Variants in ELAVL4 observed in about 807,000 individuals in gnomAD.
The protein encoded by ELAVL4 is ELAV-like protein 4.
A neutral mutation model predicts 35.6 loss-of-function variants in ELAVL4; 1 was observed. The observed-to-expected ratio is 0.03, with a 90% CI of 0.01 to 0.13. The LOEUF is 0.13. Among genes scored for constraint, ELAVL4 ranks in the 10% least tolerant of loss-of-function variants. The probability of loss-of-function intolerance (pLI) is 1.00; values close to 1 mark genes in which losing one functional copy is unlikely to be tolerated. For synonymous variants in ELAVL4, 156 were observed against 171.0 expected (o/e 0.91, Z 0.69); for missense variants, 267 against 464.9 (o/e 0.57, Z 3.91).
intron 1 of ELAVL4, among the ~76,000 whole-genome samples, chr1:50,090,151 G>A (rs536445869): frequency 6.6e-6 from 1 of 152,248 alleles, no homozygotes; most frequent in East Asian, 1.9e-4. Flanking sequence ...CTCAGGCAGA[G>A]GTTATGTATG....
chr1:50,103,946 C>T (rs1666120345), upstream of ELAVL4: 1 of 1,613,896 alleles, frequency 6.2e-7, no homozygotes, highest in East Asian at 2.2e-5. Context: ...CACGTGAATG[C>T]TCTGGAACTG....
At chr1:50,053,867 C>T (rs1486621433) in intron 1 of ELAVL4, among the ~76,000 whole-genome samples, 2 of 152,220 alleles carry the variant, frequency 1.3e-5, no homozygotes, top group East Asian at 3.9e-4. Flanking sequence ...ATAAGGATTC[C>T]AGTGGAGGAT....
intron 4 of ELAVL4, 31 bp from the exon 5 acceptor site, chr1:50,195,530 C>T (rs772366718): frequency 1.2e-6 from 2 of 1,610,504 alleles, no homozygotes; most frequent in Non-Finnish European, 1.7e-6. Flanking sequence ...GGTGTGTTCA[C>T]TCTTTACAAA....
At position 50,195,727 on chromosome 1, in the gene ELAVL4, C is replaced by A; in HGVS notation, c.675C>A (p.Leu225=). The A allele has an allele frequency of 6.2e-7, 1 of 1,614,170 alleles. No homozygotes were observed. Among genetic ancestry groups the A allele is most frequent in the Non-Finnish European group, 8.5e-7 (1 of 1,180,016 alleles). Residue 225 remains leucine (L), a synonymous_variant, in exon 5 of 7, where the codon CTC becomes CTA. Transcript: ENST00000371824. ...CCAGCCAGGCCCTGCTCTCCCAGCT[C>A]TACCAGTCCCCCAACCGGCGCTACC... ...QKSSQALLSQ[L]YQSPNRRYPG... is the part of the protein sequence containing the mutation.
At position 50,183,386 on chromosome 1, in the gene ELAVL4, G is replaced by A. The variant is rs551178746; in HGVS notation, c.354+6194G>A. The stretch of plus-strand genomic sequence containing the variant: ...ATCTATGAGAGTTAGCACTCAGGCA[G>A]GCAGCCGGTGAGAGAATAAGAAAGA... On this transcript the variant is annotated intron_variant, in intron 3 of 6. Transcript: ENST00000371824. Among the ~76,000 whole-genome samples the A allele has an allele frequency of 5.9e-5, 9 of 152,238 alleles. No individual in the cohort carries two copies. In the South Asian group the frequency reaches 1.9e-3, roughly 32 times the overall value.
intron 1 of ELAVL4, among the ~76,000 whole-genome samples, chr1:50,053,836 A>C (rs1294557571): frequency 1.3e-5 from 2 of 152,222 alleles, no homozygotes; most frequent in African/African-American, 2.4e-5. Flanking sequence ...TGGGAAAAAA[A>C]ATAGAGTAAG....
In ELAVL4 at chr1:50,063,675, T is replaced by G. The variant is rs1476339088; in HGVS notation, c.18+15493T>G. Among the ~76,000 whole-genome samples the G allele has an allele frequency of 3.3e-5, 5 of 152,244 alleles. No homozygotes were observed. The East Asian group carries it at 9.6e-4, about 29-fold the overall frequency. On this transcript the variant is annotated intron_variant, in intron 1 of 6. Coordinates refer to the ELAVL4 transcript ENST00000448907. Reference sequence around the variant, plus strand: ...TCAGGTGCTCCTCTCTTCCCAGTTCTTGGTGAAGCATTTTCTTCTTGTCTG... The same window carrying G: ...TCAGGTGCTCCTCTCTTCCCAGTTCGTGGTGAAGCATTTTCTTCTTGTCTG...
At chr1:50,175,298 G>T (rs751722108) in intron 2 of ELAVL4, 7 of 151,662 alleles carry the variant, frequency 4.6e-5, no homozygotes, top group South Asian at 2.1e-4. Flanking sequence ...CAATGAAATT[G>T]GTCTCTGTAT....
intron 1 of ELAVL4, among the ~76,000 whole-genome samples, chr1:50,058,560 GA>G (rs887199839): frequency 1.9e-4 from 25 of 130,782 alleles, no homozygotes; most frequent in East Asian, 4.3e-4. Flanking sequence ...CTAGCCTAAA[GA>G]AAAAAAAAAA....
At chr1:50,189,682 C>T (rs533009102) in intron 3 of ELAVL4, among the ~76,000 whole-genome samples, 1 of 152,244 alleles carries the variant, frequency 6.6e-6, no homozygotes, top group Non-Finnish European at 1.5e-5. Context: ...GATTCCCAGG[C>T]TGGCCCACAA....
In ELAVL4 at chr1:50,202,880, T is replaced by A. The variant is rs1644441749; in HGVS notation, c.*1702T>A. The stretch of plus-strand genomic sequence containing the variant: ...TTTTTCTTACTGCACAGTAGAAAAA[T>A]AAAAACAACTGAGTCTTTATTTTAA... On this transcript the variant is annotated 3_prime_UTR_variant, in exon 7 of 7. Coordinates refer to ENST00000371824, the MANE Select transcript of ELAVL4 (RefSeq NM_001144774.3). 2 of 152,028 alleles carry A rather than the reference T, an allele frequency of 1.3e-5. No individual in the cohort carries two copies. The highest frequency in any genetic ancestry group is 1.3e-4 in the Admixed American group (2 of 15,260). 9.4% of individuals were successfully genotyped at this position (152,028 alleles called of 1,614,324 possible).
At chr1:50,106,534 C>T, upstream of ELAVL4, 1 of 636,114 alleles carries the variant, frequency 1.6e-6, no homozygotes, top group Middle Eastern at 2.7e-4. Context: ...GACTGGGAGA[C>T]TCGCCTGCCT....
intron 1 of ELAVL4, among the ~76,000 whole-genome samples, chr1:50,052,349 G>A (rs546096014): frequency 1.4e-4 from 22 of 152,208 alleles, no homozygotes; most frequent in South Asian, 4.1e-4. Flanking sequence ...CACTTTTTGT[G>A]TGTAAAGCTG....
At chr1:50,082,959 A>G (rs1364271709) in intron 1 of ELAVL4, among the ~76,000 whole-genome samples, 5 of 152,222 alleles carry the variant, frequency 3.3e-5, no homozygotes, top group Non-Finnish European at 7.3e-5. Context: ...CAGAAAAGCC[A>G]GCCTTTCAGA....
chr1:50,096,827 G>C (rs1385601830), intron 1 of ELAVL4, among the ~76,000 whole-genome samples: 1 of 152,116 alleles, frequency 6.6e-6, no homozygotes, highest in African/African-American at 2.4e-5. Context: ...AAAATTCAGA[G>C]AGTATCTTTG....
chr1:50,173,974 C>T (rs1299495669), intron 2 of ELAVL4, among the ~76,000 whole-genome samples: 1 of 152,136 alleles, frequency 6.6e-6, no homozygotes, highest in Non-Finnish European at 1.5e-5. Flanking sequence ...AAAAGTGTTG[C>T]TATTTTTTGT....
intron 1 of ELAVL4, among the ~76,000 whole-genome samples, chr1:50,127,867 A>G (rs541023430): frequency 1.3e-5 from 2 of 152,276 alleles, no homozygotes; most frequent in South Asian, 4.1e-4. Context: ...AAATGTTTGA[A>G]TTGATGTTAA....
chr1:50,140,092 C>T (rs1672571142), intron 1 of ELAVL4, among the ~76,000 whole-genome samples: 1 of 152,206 alleles, frequency 6.6e-6, no homozygotes, highest in Admixed American at 6.5e-5. Context: ...TGAACCTCCT[C>T]AATGATCTAT....
At chr1:50,132,848 T>C (rs1671093320) in intron 1 of ELAVL4, among the ~76,000 whole-genome samples, 3 of 152,112 alleles carry the variant, frequency 2.0e-5, no homozygotes, top group Admixed American at 2.0e-4. Flanking sequence ...CAAAACAGAG[T>C]TGACAAATAA....
Sources: allele counts gnomAD v4.1 joint callset (sites outside exome capture counted in the v4.1 genomes callset), GRCh38; gene constraint gnomAD v4.1.1; transcripts MANE v1.5; gene names NCBI Gene and HGNC (gene_info 2026-07-23, HGNC 2026-07-21).